CDH4: variants seen among roughly 807,000 people sequenced by gnomAD.
CDH4 encodes cadherin-4.
Under a neutral mutation model 86.0 loss-of-function variants are expected in CDH4, and 33 were observed. The ratio of observed to expected loss-of-function variants is 0.38; its 90% CI spans 0.29 to 0.51. The LOEUF is 0.51. Among genes scored for constraint, CDH4 ranks in the 20% least tolerant of loss-of-function variants. The pLI, the probability that CDH4 is intolerant of heterozygous loss-of-function variation, is 0.86. For synonymous variants in CDH4, 555 were observed against 549.4 expected (o/e 1.01, Z -0.14); for missense variants, 1,114 against 1,307.4 (o/e 0.85, Z 2.28).
chr20:61,887,981 C>T (rs1984622995), intron 7 of CDH4, among the ~76,000 whole-genome samples: 1 of 152,204 alleles, frequency 6.6e-6, no homozygotes, highest in African/African-American at 2.4e-5. Context: ...CTGCTGAGAG[C>T]CCCCTGCAGC....
At chr20:61,273,780 G>A (rs2084202879) in intron 2 of CDH4, among the ~76,000 whole-genome samples, 1 of 147,520 alleles carries the variant, frequency 6.8e-6, no homozygotes, top group Non-Finnish European at 1.5e-5. Context: ...GTTTGGAGGA[G>A]TACCATGTGC....
chr20:61,294,982 AAG>A (rs2123191096), intron 2 of CDH4, among the ~76,000 whole-genome samples: 1 of 152,334 alleles, frequency 6.6e-6, no homozygotes, highest in East Asian at 1.9e-4. Flanking sequence ...GTTGAGGAAA[AAG>A]AAAGTGAGCC....
At chr20:61,679,531 C>T (rs1349247486) in intron 2 of CDH4, among the ~76,000 whole-genome samples, 1 of 152,184 alleles carries the variant, frequency 6.6e-6, no homozygotes, top group African/African-American at 2.4e-5. Context: ...GTTCCAGCTC[C>T]ACCAACGCCA....
intron 9 of CDH4, among the ~76,000 whole-genome samples, chr20:61,921,417 G>T (rs2054982006): frequency 1.3e-5 from 2 of 152,222 alleles, no homozygotes; most frequent in Non-Finnish European, 2.9e-5. Context: ...CAGACCTCAT[G>T]ATCCTCCGCA....
chr20:61,561,528 G>C (rs2086216609), intron 2 of CDH4, among the ~76,000 whole-genome samples: 1 of 152,234 alleles, frequency 6.6e-6, no homozygotes, highest in African/African-American at 2.4e-5. Flanking sequence ...GATGCTTTAG[G>C]AGAATCTGGT....
chr20:61,766,046 G>A (rs1215885596), intron 3 of CDH4, among the ~76,000 whole-genome samples: 5 of 151,926 alleles, frequency 3.3e-5, no homozygotes, highest in Non-Finnish European at 7.4e-5. Context: ...GCCCAGCCCT[G>A]GGTTCTCTAG....
intron 4 of CDH4, among the ~76,000 whole-genome samples, chr20:61,832,691 G>T (rs992894646): frequency 6.6e-6 from 1 of 152,066 alleles, no homozygotes; most frequent in Non-Finnish European, 1.5e-5. Flanking sequence ...TGGGGGAACT[G>T]CCCCCATGAT....
intron 2 of CDH4, among the ~76,000 whole-genome samples, chr20:61,602,381 AG>A (rs1196999929): frequency 6.6e-6 from 1 of 152,190 alleles, no homozygotes; most frequent in Non-Finnish European, 1.5e-5. Flanking sequence ...AGGTCCTCAA[AG>A]GAAACTCACA....
chr20:61,699,027 G>T (rs917366817), intron 2 of CDH4, among the ~76,000 whole-genome samples: 1 of 152,250 alleles, frequency 6.6e-6, no homozygotes, highest in Non-Finnish European at 1.5e-5. Context: ...CCGCTGGCAG[G>T]TCCCCACAGT....
chr20:61,575,193 A>G (rs1465989293), intron 2 of CDH4, among the ~76,000 whole-genome samples: 2 of 152,208 alleles, frequency 1.3e-5, no homozygotes, highest in Non-Finnish European at 2.9e-5. Flanking sequence ...ACCAGGGCCT[A>G]GTTTCTCTCT....
intron 2 of CDH4, among the ~76,000 whole-genome samples, chr20:61,549,146 T>C (rs2086109559): frequency 6.6e-6 from 1 of 152,198 alleles, no homozygotes; most frequent in Non-Finnish European, 1.5e-5. Flanking sequence ...TCCCTGCTTC[T>C]TGATGTTACA....
At chr20:61,701,007 C>T (rs1218444327) in intron 2 of CDH4, among the ~76,000 whole-genome samples, 1 of 152,196 alleles carries the variant, frequency 6.6e-6, no homozygotes, top group African/African-American at 2.4e-5. Context: ...TGTATGCTCT[C>T]GCTGCTCTGG....
intron 2 of CDH4, among the ~76,000 whole-genome samples, chr20:61,293,558 C>T (rs1035563967): frequency 6.6e-6 from 1 of 152,180 alleles, no homozygotes; most frequent in Admixed American, 6.5e-5. Context: ...CAAGTCCCAG[C>T]CCTGAAATAG....
chr20:61,383,114 A>T lies in CDH4; in HGVS notation c.169+128177A>T, dbSNP rs960005420. Among the ~76,000 whole-genome samples, 34 of 80,430 alleles carry T rather than the reference A, an allele frequency of 4.2e-4. 6 individuals carry two copies. Among genetic ancestry groups the T allele is most frequent in the African/African-American group, 2.1e-3 (34 of 15,932 alleles). The allele number at this position is 80,430 out of a possible 152,430, so 52.8% of individuals were successfully genotyped here. A position where few individuals can be genotyped will look rare whatever the true frequency, so the allele number is the denominator to read the frequency against. ...ATATATATATGAATATATTATATATAGAATATATATGAATATATTATATAT... is the reference window on the plus strand; with the variant it reads ...ATATATATATGAATATATTATATATTGAATATATATGAATATATTATATAT... On this transcript the variant is annotated intron_variant, in intron 2 of 15. Coordinates refer to ENST00000614565, the MANE Select transcript of CDH4 (RefSeq NM_001794.5).
In CDH4 at chr20:61,632,973, C is replaced by T. The variant is rs901118507; in HGVS notation, c.170-110590C>T. On this transcript the variant is annotated intron_variant, in intron 2 of 15. Transcript: ENST00000614565. ...ATCCTCCCATACAACCATATACCCA[C>T]CCATCCATCTTCCCATCCATCTACC... 1.8e-4 allele frequency among the ~76,000 whole-genome samples: 28 copies of T among 151,526 alleles called. 1 individual carries two copies. The highest frequency in any genetic ancestry group is 4.0e-4 in the Non-Finnish European group (27 of 67,888).
intron 2 of CDH4, among the ~76,000 whole-genome samples, chr20:61,629,580 G>A (rs1249786110): frequency 6.6e-6 from 1 of 152,210 alleles, no homozygotes; most frequent in African/African-American, 2.4e-5. Flanking sequence ...TGAGACAGCT[G>A]CGAACTTGGA....
intron 2 of CDH4, among the ~76,000 whole-genome samples, chr20:61,265,261 T>C (rs2084151490): frequency 6.6e-6 from 1 of 151,220 alleles, no homozygotes; most frequent in Non-Finnish European, 1.5e-5. Flanking sequence ...AGTGGCTCCT[T>C]CATTCAGTCC....
At chr20:61,347,896 C>T (rs2084689024) in intron 2 of CDH4, among the ~76,000 whole-genome samples, 1 of 141,912 alleles carries the variant, frequency 7.0e-6, no homozygotes, top group South Asian at 2.4e-4. Context: ...CCTGTGTCTG[C>T]AAAGTCTGAT....
At chr20:61,301,743 C>T (rs935978628) in intron 2 of CDH4, among the ~76,000 whole-genome samples, 9 of 152,106 alleles carry the variant, frequency 5.9e-5, no homozygotes, top group African/African-American at 2.2e-4. Context: ...CCTGATGGTC[C>T]CTGAGAATCG....
Sources: allele counts gnomAD v4.1 joint callset (sites outside exome capture counted in the v4.1 genomes callset), GRCh38; gene constraint gnomAD v4.1.1; transcripts MANE v1.5; gene names NCBI Gene and HGNC (gene_info 2026-07-23, HGNC 2026-07-21).